LAMP2: variants seen among roughly 807,000 people sequenced by gnomAD.
The protein encoded by LAMP2 is lysosome-associated membrane glycoprotein 2.
LAMP2 carries 4 observed loss-of-function variants against 25.6 expected under a neutral mutation model. That is an observed-to-expected ratio of 0.16 (90% confidence interval 0.08 to 0.36). The LOEUF (loss-of-function observed/expected upper bound fraction) is 0.36, where lower values mean the gene tolerates loss of function less well. LAMP2 is among the 10% of genes least tolerant of loss of function. The pLI, the probability that LAMP2 is intolerant of heterozygous loss-of-function variation, is 1.00. For missense variants in LAMP2, 272 were observed against 301.4 expected (o/e 0.90, Z 0.72); for synonymous variants, 108 against 112.7 (o/e 0.96, Z 0.27).
rs922599889 is a variant in LAMP2 at position 120,462,619 on chromosome X, C to T, written c.65-5850G>A. 2.7e-5 allele frequency among the ~76,000 whole-genome samples: 3 copies of T among 110,255 alleles called. No individual in the cohort carries two copies. In the Admixed American group the frequency reaches 2.9e-4, roughly 11 times the overall value. On this transcript the variant is annotated intron_variant, in intron 1 of 8. Coordinates refer to ENST00000200639, the MANE Select transcript of LAMP2 (RefSeq NM_002294.3). ...CTAGGTTTTTGCAAGTCTATTTGAC[C>T]CAAAGTATAGCTGAAAACATAAACA...
chrX:120,466,686 T>G (rs151197943), intron 1 of LAMP2, among the ~76,000 whole-genome samples: 1 of 111,607 alleles, frequency 9.0e-6, no homozygotes, highest in East Asian at 2.8e-4. Flanking sequence ...GTCATATGTA[T>G]TGGTATTTAC....
Position 120,426,149 on chromosome X carries a change from G to A in LAMP2, c.*5174C>T, listed in dbSNP as rs1602524158. 9.8e-6 allele frequency among the ~76,000 whole-genome samples: 1 copy of A among 101,998 alleles called. No homozygotes were observed. Among genetic ancestry groups the A allele is most frequent in the East Asian group, 3.0e-4 (1 of 3,309 alleles). The allele number at this position is 101,998 out of a possible 115,157, so 88.6% of individuals were successfully genotyped here. On this transcript the variant is annotated 3_prime_UTR_variant, in exon 9 of 9. Transcript: ENST00000200639. ...GAATAAAAATGAGGTTATCCATAGTGGTATGGAATGTATGATCTTTATTAA... is the reference window on the plus strand; with the variant it reads ...GAATAAAAATGAGGTTATCCATAGTAGTATGGAATGTATGATCTTTATTAA...
chrX:120,449,600 G>A (rs2058612936), intron 3 of LAMP2, among the ~76,000 whole-genome samples: 1 of 110,889 alleles, frequency 9.0e-6, no homozygotes, highest in South Asian at 3.8e-4. Flanking sequence ...GATGACAAGA[G>A]CAAAACTCTG....
At chrX:120,468,999 TG>T (rs1921653629) in intron 1 of LAMP2, 106 bp downstream of exon 1, 1 of 914,057 alleles carries the variant, frequency 1.1e-6, no homozygotes, top group South Asian at 2.0e-5. Flanking sequence ...TGTTAGCTGC[TG>T]AGCCTCTCAA....
intron 8 of LAMP2, chrX:120,438,786 C>A: frequency 1.2e-6 from 1 of 831,257 alleles, no homozygotes; most frequent in South Asian, 4.3e-5. Flanking sequence ...TGTTCCAACT[C>A]AACTACCTGC....
chrX:120,455,613 C>G (rs746725419), intron 2 of LAMP2, 43 bp from the exon 3 acceptor site: 324 of 966,498 alleles, frequency 3.4e-4, no homozygotes, highest in Non-Finnish European at 4.4e-4. Context: ...AAACAGGCAG[C>G]AAGGAACACC....
chrX:120,448,860 G>A, intron 4 of LAMP2, 110 bp downstream of exon 4: 1 of 674,905 alleles, frequency 1.5e-6, no homozygotes, highest in South Asian at 2.5e-5. Flanking sequence ...TAGAAGCTAT[G>A]AATAAACCTT....
chrX:120,436,567 GATACC>G, intron 8 of LAMP2: 1 of 736,516 alleles, frequency 1.4e-6, no homozygotes, highest in Non-Finnish European at 1.6e-6. Flanking sequence ...AATATCTAAA[GATACC>G]ATACATCAAC....
chrX:120,429,158 G>GTATATATATATATATATATA lies in LAMP2; in HGVS notation c.*2164_*2165insTATATATATATATATATATA, dbSNP rs1184952088. The GTATATATATATATATATATA allele has an allele frequency of 9.9e-6, 7 of 707,260 alleles. No individual in the cohort carries two copies. The African/African-American group carries it at 2.0e-4, about 20-fold the overall frequency. The allele number at this position is 707,260 out of a possible 1,213,427, so 58.3% of individuals were successfully genotyped here. On this transcript the variant is annotated 3_prime_UTR_variant, in exon 9 of 9. Coordinates refer to ENST00000200639, the MANE Select transcript of LAMP2 (RefSeq NM_002294.3). ...TGTGTGTATATATATGTGTGTGTGTGTACATATATATATATATACACACAC... is the reference window on the plus strand; with the variant it reads ...TGTGTGTATATATATGTGTGTGTGTGTATATATATATATATATATATACATATATATATATATACACACAC...
chrX:120,449,061 A>G lies in LAMP2; in HGVS notation c.465T>C (p.Ser155=). The change falls in exon 4 of 9, where the codon AGT becomes AGC. Residue 155 remains serine (S), a synonymous_variant. Transcript: ENST00000200639. ...CATCATTCTTTTCCAAAGTTGATAA[A>G]CTATTGCATCTAAAAAGGTCATTCA... ...IPLNDLFRCN[S]LSTLEKNDVV... 1.7e-6 allele frequency: 2 copies of G among 1,202,808 alleles called. No individual in the cohort carries two copies. The highest frequency in any genetic ancestry group is 2.3e-6 in the Non-Finnish European group (2 of 887,124).
chrX:120,459,296 C>G (rs932331152), intron 1 of LAMP2, among the ~76,000 whole-genome samples: 3 of 112,302 alleles, frequency 2.7e-5, no homozygotes, highest in Non-Finnish European at 1.9e-5. Context: ...CAATTTCTGG[C>G]AGAAATCACC....
chrX:120,447,494 G>T (rs1293337569), intron 5 of LAMP2, among the ~76,000 whole-genome samples: 2 of 110,782 alleles, frequency 1.8e-5, no homozygotes, highest in African/African-American at 6.6e-5. Context: ...GGAGCACAAG[G>T]TCAGGAGATC....
In LAMP2 at chrX:120,430,032, A is replaced by G. The variant is rs1377284400; in HGVS notation, c.*1291T>C. On this transcript the variant is annotated 3_prime_UTR_variant, in exon 9 of 9. Coordinates refer to ENST00000200639, the MANE Select transcript of LAMP2 (RefSeq NM_002294.3). The stretch of plus-strand genomic sequence containing the variant: ...ACATTAGCCTATGCTGAAAGAATTT[A>G]CTATATTTTACTGAAAGCTCTCAAA... 1.2e-5 allele frequency: 9 copies of G among 751,710 alleles called. No homozygotes were observed. The highest frequency in any genetic ancestry group is 1.3e-5 in the Non-Finnish European group (8 of 637,785). The allele number at this position is 751,710 out of a possible 1,213,427, so 61.9% of individuals were successfully genotyped here. A position where few individuals can be genotyped will look rare whatever the true frequency, so the allele number is the denominator to read the frequency against.
chrX:120,433,020 G>T (rs904863610), intron 8 of LAMP2, among the ~76,000 whole-genome samples: 1 of 111,487 alleles, frequency 9.0e-6, no homozygotes, highest in African/African-American at 3.3e-5. Flanking sequence ...TCTCAGTAAG[G>T]GGAAGTAGAA....
At chrX:120,446,789 G>T (rs1346906687) in intron 5 of LAMP2, among the ~76,000 whole-genome samples, 1 of 110,996 alleles carries the variant, frequency 9.0e-6, no homozygotes, top group East Asian at 2.8e-4. Context: ...AACTAGAAGT[G>T]CCATCATGTA....
rs2058505828 is a variant in LAMP2, at chrX:120,428,078, T to G, written c.*3245A>C. On this transcript the variant is annotated 3_prime_UTR_variant, in exon 9 of 9. Transcript: ENST00000200639. Reference sequence around the variant, plus strand: ...GCCACCAATGAAAATGAATCCACTATGTTCTTGAATTTATTTCCTGAAGCA... The same window carrying G: ...GCCACCAATGAAAATGAATCCACTAGGTTCTTGAATTTATTTCCTGAAGCA... 2 of 113,921 alleles carry G rather than the reference T, an allele frequency of 1.8e-5. No individual in the cohort carries two copies. Among genetic ancestry groups the G allele is most frequent in the African/African-American group, 6.5e-5 (2 of 30,985 alleles). The allele number at this position is 113,921 out of a possible 1,213,427, so 9.4% of individuals were successfully genotyped here. A position where few individuals can be genotyped will look rare whatever the true frequency, so the allele number is the denominator to read the frequency against.
chrX:120,443,313 G>A (rs1335841239), intron 6 of LAMP2, among the ~76,000 whole-genome samples: 2 of 112,003 alleles, frequency 1.8e-5, no homozygotes, highest in Non-Finnish European at 3.8e-5. Context: ...GATTCTCTTA[G>A]GAAACAAGTG....
chrX:120,447,422 G>GAAAA (rs2058601710), intron 5 of LAMP2, among the ~76,000 whole-genome samples: 2 of 100,427 alleles, frequency 2.0e-5, no homozygotes, highest in Admixed American at 2.1e-4. Context: ...AAAAAAGAAA[G>GAAAA]AAAAACCTGG....
At position 120,430,684 on chromosome X, in the gene LAMP2, T is replaced by A. The variant is rs1193866796; in HGVS notation, c.*639A>T. 5.3e-6 allele frequency: 4 copies of A among 752,600 alleles called. No homozygotes were observed. In the African/African-American group the frequency reaches 9.2e-5, roughly 17 times the overall value. 62.0% of individuals were successfully genotyped at this position (752,600 alleles called of 1,213,427 possible). On this transcript the variant is annotated 3_prime_UTR_variant, in exon 9 of 9. Transcript: ENST00000200639. Reference sequence around the variant, plus strand: ...GTTGTAGCCTCTTGGGTCTGTATCATCCCTAGGGAAAAATCACAGGCTTGA... The same window carrying A: ...GTTGTAGCCTCTTGGGTCTGTATCAACCCTAGGGAAAAATCACAGGCTTGA...
Sources: gnomAD v4.1 joint callset for allele counts (sites outside exome capture counted in the v4.1 genomes callset) on GRCh38, gnomAD v4.1.1 for gene constraint, MANE v1.5 for transcripts, NCBI Gene and HGNC (gene_info 2026-07-23, HGNC 2026-07-21) for gene names.